Variants in AOPEP observed in about 807,000 individuals in gnomAD.
The protein encoded by AOPEP is aminopeptidase O.
Under a neutral mutation model 98.1 loss-of-function variants are expected in AOPEP, and 77 were observed. The observed-to-expected ratio is 0.78, with a 90% confidence interval of 0.65 to 0.95. AOPEP has a LOEUF of 0.95. Ranked by LOEUF, AOPEP falls within the 40% of genes least tolerant of loss-of-function variation. The pLI, the probability that AOPEP is intolerant of heterozygous loss-of-function variation, is 0.00. For synonymous variants in AOPEP, 346 were observed against 365.3 expected (o/e 0.95, Z 0.60); for missense variants, 1,024 against 1,024.7 (o/e 1.00, Z 0.01).
At chr9:94,791,075 A>G (rs1296775430) in intron 3 of AOPEP, among the ~76,000 whole-genome samples, 2 of 152,182 alleles carry the variant, frequency 1.3e-5, no homozygotes, top group African/African-American at 2.4e-5. Context: ...CATAGCAAAG[A>G]CATTGAATCA....
Position 95,005,630 on chromosome 9 carries a change from A to G in AOPEP, c.2115+14A>G. ...GTGTTTGAAAAGGTAGGGGTTCCCG[A>G]GACGGTACTCGGTGCAGGTCTTGGT... On this transcript the variant is annotated intron_variant, in intron 13 of 16. Coordinates refer to ENST00000375315, the MANE Select transcript of AOPEP (RefSeq NM_001193329.3). The G allele has an allele frequency of 6.2e-7, 1 of 1,611,916 alleles. No homozygotes were observed. Among genetic ancestry groups the G allele is most frequent in the Non-Finnish European group, 8.5e-7 (1 of 1,178,062 alleles).
At chr9:94,811,618 G>C (rs948082920) in intron 5 of AOPEP, among the ~76,000 whole-genome samples, 2 of 152,126 alleles carry the variant, frequency 1.3e-5, no homozygotes, top group African/African-American at 4.8e-5. Flanking sequence ...GGAGATGCTG[G>C]GTCCCAGAGC....
At chr9:95,142,204 G>A in the AOPEP span, among the ~76,000 whole-genome samples, 6 of 151,956 alleles carry the variant, frequency 3.9e-5, no homozygotes. Context: ...CGTTGGCCAG[G>A]CTGGTCTTAA....
chr9:94,945,887 A>ATT (rs1169577231), intron 7 of AOPEP, among the ~76,000 whole-genome samples: 4 of 151,726 alleles, frequency 2.6e-5, no homozygotes, highest in African/African-American at 7.3e-5. Flanking sequence ...GCTTCCAGTA[A>ATT]TTTTCAGGTT....
intron 1 of AOPEP, among the ~76,000 whole-genome samples, chr9:94,730,462 A>G (rs976319375): frequency 6.6e-6 from 1 of 152,142 alleles, no homozygotes; most frequent in Non-Finnish European, 1.5e-5. Context: ...CGTAGTGACC[A>G]TTGTTCAGCC....
intron 3 of AOPEP, among the ~76,000 whole-genome samples, chr9:94,792,207 G>A (rs991154919): frequency 2.6e-5 from 4 of 152,216 alleles, no homozygotes; most frequent in African/African-American, 9.6e-5. Flanking sequence ...CTAAGGGTAA[G>A]ACCTGAACTC....
intron 5 of AOPEP, among the ~76,000 whole-genome samples, chr9:94,868,499 G>C (rs552756206): frequency 4.6e-5 from 7 of 152,334 alleles, no homozygotes; most frequent in African/African-American, 1.7e-4. Flanking sequence ...TGCTAGTATG[G>C]ATGAGGTGGT....
In AOPEP at chr9:94,980,783, G is replaced by A. The variant is rs541680569; in HGVS notation, c.1977+1356G>A. The stretch of plus-strand genomic sequence containing the variant: ...CTCACGTGTGTGACAATGAGGGCCC[G>A]TGAGCTCTGAGACGGTGACTTCCAA... On this transcript the variant is annotated intron_variant, in intron 11 of 16. Transcript: ENST00000375315. The surrounding 1 kb of genome is among the most constrained non-coding windows in gnomAD (Gnocchi z 4.3). Among the ~76,000 whole-genome samples, 1 of 152,364 alleles carries A rather than the reference G, an allele frequency of 6.6e-6. No individual in the cohort carries two copies. The highest frequency in any genetic ancestry group is 2.1e-4 in the South Asian group (1 of 4,830).
chr9:95,023,966 C>T (rs1428960098), intron 13 of AOPEP, among the ~76,000 whole-genome samples: 1 of 152,172 alleles, frequency 6.6e-6, no homozygotes, highest in East Asian at 1.9e-4. Flanking sequence ...ACTTGATAAT[C>T]AGACATCATT....
intron 2 of AOPEP, among the ~76,000 whole-genome samples, chr9:94,771,484 TACAGCA>T (rs1564103919): frequency 6.6e-6 from 1 of 152,186 alleles, no homozygotes; most frequent in Non-Finnish European, 1.5e-5. Flanking sequence ...AGGATAAGCG[TACAGCA>T]ACTGCCTGTT....
intron 2 of AOPEP, among the ~76,000 whole-genome samples, chr9:94,768,499 A>G (rs1007528701): frequency 6.6e-6 from 1 of 152,268 alleles, no homozygotes. Context: ...CGTTAGTCCT[A>G]GCTGACCTCT....
intron 13 of AOPEP, among the ~76,000 whole-genome samples, chr9:95,058,036 T>C (rs540680927): frequency 1.3e-5 from 2 of 152,354 alleles, no homozygotes; most frequent in South Asian, 2.1e-4. Flanking sequence ...AATATTTTCA[T>C]TGTGTAAAAT....
At chr9:94,928,371 C>T (rs2054712236) in intron 6 of AOPEP, 54 bp from the exon 7 acceptor site, 10 of 1,318,788 alleles carry the variant, frequency 7.6e-6, no homozygotes, top group Non-Finnish European at 1.1e-5. Context: ...GCACCAGGAC[C>T]ACAACAGTGA....
At chr9:95,120,447 C>A in the AOPEP span, among the ~76,000 whole-genome samples, 37 of 151,558 alleles carry the variant, frequency 2.4e-4, no homozygotes, top group African/African-American at 8.5e-4. Context: ...CAGCATCTCG[C>A]CCTGTCTTCC....
intron 5 of AOPEP, among the ~76,000 whole-genome samples, chr9:94,898,526 A>G (rs2049897221): frequency 6.6e-6 from 1 of 152,028 alleles, no homozygotes; most frequent in African/African-American, 2.4e-5. Context: ...AGGCAGGAGA[A>G]TCGCTTGAAG....
At chr9:94,932,840 T>C in intron 7 of AOPEP, 2 of 985,324 alleles carry the variant, frequency 2.0e-6, no homozygotes, top group Non-Finnish European at 2.4e-6. Context: ...GTGTCTGAGA[T>C]TGACTTCCTT....
intron 5 of AOPEP, among the ~76,000 whole-genome samples, chr9:94,881,677 G>A (rs2047602872): frequency 6.6e-6 from 1 of 152,170 alleles, no homozygotes; most frequent in Non-Finnish European, 1.5e-5. Context: ...AGTTGATGCA[G>A]TTCCTGCAGG....
At chr9:95,035,839 T>A (rs1057003073) in intron 13 of AOPEP, among the ~76,000 whole-genome samples, 2 of 151,872 alleles carry the variant, frequency 1.3e-5, no homozygotes, top group African/African-American at 4.8e-5. Context: ...TTTTTTTTTT[T>A]AAAGAAATTG....
chr9:95,009,390 T>A (rs936919750), intron 13 of AOPEP, among the ~76,000 whole-genome samples: 1 of 152,168 alleles, frequency 6.6e-6, no homozygotes, highest in African/African-American at 2.4e-5. Flanking sequence ...TTATGGAAAA[T>A]ATATGACTGG....
Sources: gnomAD v4.1 joint callset for allele counts (sites outside exome capture counted in the v4.1 genomes callset) on GRCh38, gnomAD v4.1.1 for gene constraint, Gnocchi (gnomAD v3.1) non-coding constraint, MANE v1.5 for transcripts, NCBI Gene and HGNC (gene_info 2026-07-23, HGNC 2026-07-21) for gene names.